The following GNAO1 variants were observed in gnomAD, a reference collection of about 807,000 sequenced individuals.
GNAO1 encodes the protein guanine nucleotide-binding protein G(o) subunit alpha.
For synonymous variants in GNAO1, 164 were observed against 180.7 expected, an observed-to-expected ratio of 0.91 and a Z score of 0.74; for missense variants, 166 against 478.7, an observed-to-expected ratio of 0.35 and a Z score of 6.10.
At chr16:56,196,307 A>G (rs1282779445) in intron 2 of GNAO1, among the ~76,000 whole-genome samples, 9 of 152,126 alleles carry the variant, frequency 5.9e-5, no homozygotes, top group Admixed American at 1.3e-4. Context: ...TGGCATTTTA[A>G]ATAATTTTGC....
rs1309389793 is a variant in GNAO1, at chr16:56,276,043, G to A, written c.274G>A (p.Gly92Ser). The change falls in exon 3 of 9, where the codon GGC (glycine) becomes AGC (serine). Residue 92 changes from glycine (G) to serine (S), a missense_variant. By Grantham distance (56) the Gly-to-Ser change is moderately conservative. Coordinates refer to ENST00000262493, the MANE Select transcript of GNAO1 (RefSeq NM_020988.3). ...AAIVRAMDTL[G>S]IEYGDKERKA... is the part of the protein sequence containing the mutation. ...CATCGTCCGGGCCATGGACACTTTGGGCATCGAATATGGTGATAAGGAGAG... is the reference window on the plus strand; with the variant it reads ...CATCGTCCGGGCCATGGACACTTTGAGCATCGAATATGGTGATAAGGAGAG... 19 of 1,613,908 alleles carry A rather than the reference G, an allele frequency of 1.2e-5. No homozygotes were observed. The highest frequency in any genetic ancestry group is 1.5e-5 in the Non-Finnish European group (18 of 1,179,944).
chr16:56,204,044 A>G (rs527915189), intron 2 of GNAO1, among the ~76,000 whole-genome samples: 1 of 152,294 alleles, frequency 6.6e-6, no homozygotes, highest in Admixed American at 6.5e-5. Flanking sequence ...AATTGGTAGG[A>G]AAGGCAATGA....
intron 2 of GNAO1, among the ~76,000 whole-genome samples, chr16:56,224,715 A>G (rs2036519562): frequency 6.6e-6 from 1 of 152,172 alleles, no homozygotes; most frequent in Non-Finnish European, 1.5e-5. Context: ...TCCTGACCTC[A>G]AGTGATCCAC....
intron 2 of GNAO1, among the ~76,000 whole-genome samples, chr16:56,251,479 A>G (rs1212694402): frequency 6.6e-6 from 1 of 152,252 alleles, no homozygotes; most frequent in Non-Finnish European, 1.5e-5. Flanking sequence ...GCATGTTTTA[A>G]TAACAGTTAA....
intron 6 of GNAO1, among the ~76,000 whole-genome samples, chr16:56,339,034 CT>C (rs2143671161): frequency 6.6e-6 from 1 of 152,388 alleles, no homozygotes; most frequent in Admixed American, 6.5e-5. Context: ...GGCTGGCCAC[CT>C]TTGCAGCCCG....
intron 2 of GNAO1, among the ~76,000 whole-genome samples, chr16:56,223,237 C>T (rs1455757161): frequency 6.6e-6 from 1 of 152,176 alleles, no homozygotes; most frequent in South Asian, 2.1e-4. Flanking sequence ...GTTATAAGAG[C>T]CCCCTTTTCA....
chr16:56,209,306 A>G (rs1177446889), intron 2 of GNAO1, among the ~76,000 whole-genome samples: 2 of 152,170 alleles, frequency 1.3e-5, no homozygotes, highest in African/African-American at 4.8e-5. Flanking sequence ...CTTAGCTCAT[A>G]TAGCATCCCA....
chr16:56,209,095 C>T (rs1172924980), intron 2 of GNAO1, among the ~76,000 whole-genome samples: 1 of 152,018 alleles, frequency 6.6e-6, no homozygotes, highest in Non-Finnish European at 1.5e-5. Context: ...CCCTCTATTT[C>T]CCGCCTCTTT....
At chr16:56,246,908 A>G (rs1441741006) in intron 2 of GNAO1, among the ~76,000 whole-genome samples, 1 of 152,228 alleles carries the variant, frequency 6.6e-6, no homozygotes, top group Non-Finnish European at 1.5e-5. Flanking sequence ...AGGGCTCTTC[A>G]TTATGTAATG....
chr16:56,197,888 C>T (rs2036248248), intron 2 of GNAO1, among the ~76,000 whole-genome samples: 1 of 152,056 alleles, frequency 6.6e-6, no homozygotes, highest in African/African-American at 2.4e-5. Flanking sequence ...CCTATTTTTC[C>T]GATATGTGCT....
intron 5 of GNAO1, chr16:56,336,447 G>A (rs1298301632): frequency 3.2e-6 from 1 of 315,020 alleles, no homozygotes; most frequent in African/African-American, 2.2e-5. Context: ...TGGCTCAGGT[G>A]CGCCCTCTTA....
intron 2 of GNAO1, among the ~76,000 whole-genome samples, chr16:56,214,364 C>T (rs1359046880): frequency 6.6e-6 from 1 of 152,116 alleles, no homozygotes; most frequent in African/African-American, 2.4e-5. Flanking sequence ...TAGACGTGCT[C>T]AGTAAGCAAG....
intron 4 of GNAO1, among the ~76,000 whole-genome samples, chr16:56,333,060 G>A (rs752519341): frequency 6.6e-6 from 1 of 152,194 alleles, no homozygotes; most frequent in Non-Finnish European, 1.5e-5. Flanking sequence ...GTCCACGGAG[G>A]GCAGTCAGGC....
intron 2 of GNAO1, chr16:56,194,384 G>T: frequency 2.4e-6 from 1 of 411,668 alleles, no homozygotes; most frequent in Non-Finnish European, 4.9e-6. Flanking sequence ...GAGGGGGGAC[G>T]TTTTAAAACT....
In GNAO1 at chr16:56,344,093, G is replaced by A; in HGVS notation, c.723+7233G>A. Reference sequence around the variant, plus strand: ...CTGGCACCAAGGGAGGGAGGAGGGAGCATCCTCCACCCGCACCCCCCAACA... The same window carrying A: ...CTGGCACCAAGGGAGGGAGGAGGGAACATCCTCCACCCGCACCCCCCAACA... On this transcript the variant is annotated intron_variant, in intron 6 of 8. Coordinates refer to ENST00000262493, the MANE Select transcript of GNAO1 (RefSeq NM_020988.3). The A allele has an allele frequency of 1.0e-5, 15 of 1,465,052 alleles. No individual in the cohort carries two copies. The South Asian group carries it at 2.1e-4, about 20-fold the overall frequency. 90.8% of individuals were successfully genotyped at this position (1,465,052 alleles called of 1,614,324 possible). A position where few individuals can be genotyped will look rare whatever the true frequency, so the allele number is the denominator to read the frequency against.
At chr16:56,349,993 C>T (rs1310784440) in intron 6 of GNAO1, among the ~76,000 whole-genome samples, 5 of 152,196 alleles carry the variant, frequency 3.3e-5, no homozygotes, top group African/African-American at 9.6e-5. Context: ...TGTGTCACCG[C>T]GGTGTCCCCT....
chr16:56,260,460 T>A (rs2036892609), intron 2 of GNAO1, among the ~76,000 whole-genome samples: 1 of 152,100 alleles, frequency 6.6e-6, no homozygotes. Context: ...GGCCTTTGTC[T>A]CAGAGAGACC....
intron 4 of GNAO1, among the ~76,000 whole-genome samples, chr16:56,332,245 C>T (rs530768307): frequency 2.6e-5 from 4 of 152,194 alleles, no homozygotes; most frequent in African/African-American, 9.6e-5. Flanking sequence ...CAAGGGCCTG[C>T]TTGCCCCAGC....
intron 2 of GNAO1, among the ~76,000 whole-genome samples, chr16:56,269,229 C>T (rs1039094827): frequency 1.3e-4 from 20 of 152,174 alleles, no homozygotes; most frequent in African/African-American, 3.4e-4. Context: ...TGCTTTGGTC[C>T]GGAGAAACCC....
Sources: gnomAD v4.1 joint callset for allele counts (sites outside exome capture counted in the v4.1 genomes callset) on GRCh38, gnomAD v4.1.1 for gene constraint, MANE v1.5 for transcripts, NCBI Gene and HGNC (gene_info 2026-07-23, HGNC 2026-07-21) for gene names.